PSMD5: variants seen among roughly 807,000 people sequenced by gnomAD.
PSMD5 encodes proteasome 26S subunit, non-ATPase 5, also known as 26S proteasome non-ATPase regulatory subunit 5.
PSMD5 carries 40 observed loss-of-function variants against 52.1 expected under a neutral mutation model. The observed-to-expected ratio is 0.77, with a 90% CI of 0.60 to 1.00. The LOEUF is 1.00. PSMD5 is among the 50% of genes least tolerant of loss of function. The pLI, the probability that PSMD5 is intolerant of heterozygous loss-of-function variation, is 0.00. For missense variants in PSMD5, 575 were observed against 605.2 expected (o/e 0.95, Z 0.52); for synonymous variants, 211 against 226.6 (o/e 0.93, Z 0.62).
At position 120,818,129 on chromosome 9, in the gene PSMD5, A is replaced by G. The variant is rs779558216; in HGVS notation, c.1292T>C (p.Met431Thr). The G allele has an allele frequency of 1.4e-5, 22 of 1,613,906 alleles. No homozygotes were observed. The highest frequency in any genetic ancestry group is 1.0e-4 in the Admixed American group (6 of 60,000). ...TTCTACAAAACCTGGACTGTTAAAC[A>G]TAAGTTTCTGAGCCCAGGGTTGGTT... Reference protein sequence around the residue: ...IANQPWAQKLMFNSPGFVEYV... With the variant: ...IANQPWAQKLTFNSPGFVEYV... The change falls in exon 10 of 10, where the codon ATG (methionine) becomes ACG (threonine). Residue 431 changes from methionine to threonine, a missense_variant. Met to Thr is a moderately conservative substitution (Grantham distance 81). Transcript: ENST00000210313.
At chr9:120,831,766 C>T (rs1052693947) in intron 3 of PSMD5, 66 bp downstream of exon 3, 7 of 1,550,826 alleles carry the variant, frequency 4.5e-6, no homozygotes, top group Non-Finnish European at 6.1e-6. Context: ...ATTCAGAAGG[C>T]CTTTCTTTAT....
At chr9:120,827,691 A>C (rs1348369236) in intron 5 of PSMD5, among the ~76,000 whole-genome samples, 2 of 152,256 alleles carry the variant, frequency 1.3e-5, no homozygotes, top group African/African-American at 4.8e-5. Flanking sequence ...ATATGGGTTT[A>C]ATAAATTCAG....
chr9:120,826,478 C>T (rs1305262210), intron 6 of PSMD5: 1 of 283,370 alleles, frequency 3.5e-6, no homozygotes, highest in Non-Finnish European at 6.5e-6. Flanking sequence ...TGGTTGCTGT[C>T]TTTATTCTGT....
chr9:120,833,535 G>T, intron 1 of PSMD5, 79 bp from the exon 2 acceptor site: 1 of 1,424,676 alleles, frequency 7.0e-7, no homozygotes, highest in Non-Finnish European at 9.6e-7. Context: ...GCTGAAGCTT[G>T]CGTCAGCGTC....
chr9:120,840,780 C>A (rs1482641678), intron 1 of PSMD5, among the ~76,000 whole-genome samples: 2 of 151,982 alleles, frequency 1.3e-5, no homozygotes, highest in African/African-American at 2.4e-5. Flanking sequence ...CCACCATGCC[C>A]GGCTAATTTT....
chr9:120,836,758 C>T (rs1196198162), intron 1 of PSMD5, among the ~76,000 whole-genome samples: 8 of 152,078 alleles, frequency 5.3e-5, no homozygotes, highest in African/African-American at 1.9e-4. Flanking sequence ...TATTTTCTTG[C>T]TATTTAGTTT....
chr9:120,832,474 A>G (rs1450816458), intron 2 of PSMD5, among the ~76,000 whole-genome samples: 1 of 141,456 alleles, frequency 7.1e-6, no homozygotes. Flanking sequence ...TCAGCTCACT[A>G]CAACCTCTGC....
At chr9:120,823,187 G>A (rs1018395327) in intron 7 of PSMD5, among the ~76,000 whole-genome samples, 2 of 150,882 alleles carry the variant, frequency 1.3e-5, no homozygotes, top group Non-Finnish European at 3.0e-5. Flanking sequence ...CCTCATGGAT[G>A]TTCCATAAAA....
At chr9:120,828,687 A>C (rs140346393) in intron 5 of PSMD5, among the ~76,000 whole-genome samples, 10,514 of 152,092 alleles carry the variant, frequency 0.069, 519 homozygotes, top group Non-Finnish European at 0.099. Context: ...CAGCCTCCCA[A>C]AGTGCTGGGA....
chr9:120,839,796 A>AT (rs2045221255), intron 1 of PSMD5, among the ~76,000 whole-genome samples: 1 of 136,552 alleles, frequency 7.3e-6, no homozygotes, highest in African/African-American at 2.6e-5. Context: ...TGTTTTTTTA[A>AT]TCTTTTTTTT....
chr9:120,835,080 A>G (rs1355901561), intron 1 of PSMD5, among the ~76,000 whole-genome samples: 1 of 152,240 alleles, frequency 6.6e-6, no homozygotes, highest in Non-Finnish European at 1.5e-5. Flanking sequence ...AAAAATGAAC[A>G]TACTCTTTTA....
rs191924225 is a variant in PSMD5 at position 120,833,543 on chromosome 9, G to A, written c.174-87C>T. 1.2e-3 allele frequency: 1,580 copies of A among 1,367,420 alleles called. 18 individuals are homozygous for A. The African/African-American group carries it at 0.02, about 17-fold the overall frequency. 84.7% of individuals were successfully genotyped at this position (1,367,420 alleles called of 1,614,324 possible). A position where few individuals can be genotyped will look rare whatever the true frequency, so the allele number is the denominator to read the frequency against. Reference sequence around the variant, plus strand: ...AATAATAGCTGAAGCTTGCGTCAGCGTCTCCTCCACACAGACTTCTTTTTG... The same window carrying A: ...AATAATAGCTGAAGCTTGCGTCAGCATCTCCTCCACACAGACTTCTTTTTG... On this transcript the variant is annotated intron_variant, in intron 1 of 9. Coordinates refer to ENST00000210313, the MANE Select transcript of PSMD5 (RefSeq NM_005047.4).
In PSMD5 at chr9:120,842,733, T is replaced by G; in HGVS notation, c.173+4A>C. The stretch of plus-strand genomic sequence containing the variant: ...CTCGGCTCAAGCCCCCGGGGTCCTC[T>G]CACCTATGGTTCTCGTTAAGCAGGG... On this transcript the variant is annotated splice_donor_region_variant and intron_variant, in intron 1 of 9. Coordinates refer to ENST00000210313, the MANE Select transcript of PSMD5 (RefSeq NM_005047.4). 6.2e-7 allele frequency: 1 copy of G among 1,613,234 alleles called. No homozygotes were observed. Among genetic ancestry groups the G allele is most frequent in the Non-Finnish European group, 8.5e-7 (1 of 1,179,996 alleles).
chr9:120,818,474 T>C (rs979937474), intron 9 of PSMD5, among the ~76,000 whole-genome samples: 1 of 151,904 alleles, frequency 6.6e-6, no homozygotes, highest in Non-Finnish European at 1.5e-5. Flanking sequence ...AAATAGGAAA[T>C]GATACAGGTA....
rs770094112 is a variant in PSMD5 at position 120,818,046 on chromosome 9, G to C, written c.1375C>G (p.Leu459Val). 6.2e-7 allele frequency: 1 copy of C among 1,614,196 alleles called. No homozygotes were observed. The highest frequency in any genetic ancestry group is 1.1e-5 in the South Asian group (1 of 91,084). Reference protein sequence around the residue: ...DKASKDAKYELVKALANSKTI... With the variant: ...DKASKDAKYEVVKALANSKTI... ...TTGGAATTGGCAAGTGCTTTCACTA[G>C]TTCATATTTGGCATCCTTTGAAGCT... The change falls in exon 10 of 10, where the codon CTA (leucine) becomes GTA (valine). Residue 459 changes from leucine to valine, a missense_variant. Physicochemically the swap from Leu to Val is conservative, Grantham distance 32. Transcript: ENST00000210313.
chr9:120,837,724 T>C (rs2045207936), intron 1 of PSMD5, among the ~76,000 whole-genome samples: 1 of 152,246 alleles, frequency 6.6e-6, no homozygotes, highest in Non-Finnish European at 1.5e-5. Context: ...ACACCTACCA[T>C]ACCATCTAGC....
At chr9:120,828,178 T>C (rs923287004) in intron 5 of PSMD5, among the ~76,000 whole-genome samples, 3 of 152,074 alleles carry the variant, frequency 2.0e-5, no homozygotes, top group Non-Finnish European at 4.4e-5. Flanking sequence ...TTGTATTTTT[T>C]TAGTAGAGAC....
At chr9:120,840,654 C>G (rs1200532788) in intron 1 of PSMD5, among the ~76,000 whole-genome samples, 2 of 144,450 alleles carry the variant, frequency 1.4e-5, no homozygotes, top group Admixed American at 7.1e-5. Context: ...GAATCTCACT[C>G]TGTTGCCCAG....
chr9:120,833,243 C>G, intron 2 of PSMD5, 69 bp downstream of exon 2: 2 of 1,505,070 alleles, frequency 1.3e-6, no homozygotes, highest in Non-Finnish European at 1.8e-6. Context: ...CTTTCTTCAT[C>G]TTTCTGTCCC....
Sources: allele counts gnomAD v4.1 joint callset (sites outside exome capture counted in the v4.1 genomes callset), GRCh38; gene constraint gnomAD v4.1.1; transcripts MANE v1.5; gene names NCBI Gene and HGNC (gene_info 2026-07-23, HGNC 2026-07-21).